Variants in CELF6 observed in about 807,000 individuals in gnomAD.
The protein encoded by CELF6 is CUGBP Elav-like family member 6.
In CELF6, 32 loss-of-function variants were observed where a neutral mutation model predicts 53.1. That is an observed-to-expected ratio of 0.60 (90% CI 0.46 to 0.81). The LOEUF (loss-of-function observed/expected upper bound fraction) is 0.81. CELF6 is among the 30% of genes least tolerant of loss of function. The pLI, the probability that CELF6 is intolerant of heterozygous loss-of-function variation, is 0.00. For synonymous variants in CELF6, 291 were observed against 288.8 expected, an observed-to-expected ratio of 1.01 and a Z score of -0.08; for missense variants, 539 against 669.5, an observed-to-expected ratio of 0.81 and a Z score of 2.15.
intron 3 of CELF6, among the ~76,000 whole-genome samples, chr15:72,298,205 A>C (rs2088103644): frequency 6.6e-6 from 1 of 152,218 alleles, no homozygotes; most frequent in Non-Finnish European, 1.5e-5. Flanking sequence ...TAAACACTGA[A>C]TAAAGTGGAA....
In CELF6 at chr15:72,307,422, C is replaced by T. The variant is rs115000115; in HGVS notation, c.346-2628G>A. Among the ~76,000 whole-genome samples the T allele has an allele frequency of 5.1e-3, 783 of 152,322 alleles. 5 individuals carry two copies. The highest frequency in any genetic ancestry group is 0.018 in the African/African-American group (734 of 41,576). On this transcript the variant is annotated intron_variant, in intron 2 of 12. Coordinates refer to ENST00000287202, the MANE Select transcript of CELF6 (RefSeq NM_052840.5). ...GACAGTGATGATCTGTATGGGGATC[C>T]TCTCTTCATAGGCTCGCAGAGGGGA... is the stretch of plus-strand genomic sequence containing the variant.
intron 2 of CELF6, among the ~76,000 whole-genome samples, chr15:72,311,425 C>T (rs2088295048): frequency 7.0e-6 from 1 of 143,668 alleles, no homozygotes; most frequent in Non-Finnish European, 1.5e-5. Flanking sequence ...TTTTTTGAGA[C>T]AGAGTCTCGC....
intron 2 of CELF6, among the ~76,000 whole-genome samples, chr15:72,313,511 A>G (rs928219704): frequency 3.9e-5 from 6 of 152,034 alleles, no homozygotes; most frequent in Non-Finnish European, 8.8e-5. Flanking sequence ...GTTTATCTTA[A>G]TTTTTTTGGG....
chr15:72,288,693 T>C lies in CELF6; in HGVS notation c.1094-75A>G. 6.9e-7 allele frequency: 1 copy of C among 1,451,216 alleles called. No individual in the cohort carries two copies. The highest frequency in any genetic ancestry group is 9.5e-7 in the Non-Finnish European group (1 of 1,058,018). The allele number at this position is 1,451,216 out of a possible 1,614,324, so 89.9% of individuals were successfully genotyped here. A position where few individuals can be genotyped will look rare whatever the true frequency, so the allele number is the denominator to read the frequency against. On this transcript the variant is annotated intron_variant, in intron 9 of 12. Transcript: ENST00000287202. The surrounding 1 kb of genome is among the most constrained non-coding windows in gnomAD (Gnocchi z 4.6). ...AGCAGGGCCCCAACTGCCTGGCCGC[T>C]TTTGACCAATTCAGCCCAGTCCACC...
intron 3 of CELF6, among the ~76,000 whole-genome samples, chr15:72,301,734 A>ATTTTT (rs34705032): frequency 3.2e-5 from 4 of 125,860 alleles, no homozygotes; most frequent in Non-Finnish European, 4.8e-5. Flanking sequence ...TAAAAAGTTG[A>ATTTTT]TTTTTTTTTT....
At chr15:72,299,362 CTT>C (rs780048239) in intron 3 of CELF6, among the ~76,000 whole-genome samples, 20 of 138,854 alleles carry the variant, frequency 1.4e-4, no homozygotes, top group Admixed American at 4.3e-4. Context: ...TTTGTTTTTT[CTT>C]TTTTTTTTTT....
At position 72,319,837 on chromosome 15, in the gene CELF6, C is replaced by A. The variant is rs2088406406; in HGVS notation, c.38G>T (p.Gly13Val). 6.5e-7 allele frequency: 1 copy of A among 1,546,162 alleles called. No homozygotes were observed. Among genetic ancestry groups the A allele is most frequent in the Non-Finnish European group, 8.7e-7 (1 of 1,144,594 alleles). ...GCTGAAACCCAGGCGCGGGCCGGGG[C>A]CAGCGGGCTGCGCTGACCCTCCCGG... Reference protein sequence around the residue: ...AAPGGSAQPAGPGPRLGFSTA... With the variant: ...AAPGGSAQPAVPGPRLGFSTA... Residue 13 changes from glycine (G) to valine (V), a missense_variant, in exon 1 of 13, where the codon GGC (glycine) becomes GTC (valine). By Grantham distance (109) the Gly-to-Val change is moderately radical. Transcript: ENST00000287202. The surrounding 1 kb of genome is among the most constrained non-coding windows in gnomAD (Gnocchi z 5.0).
In CELF6 at chr15:72,289,552, C is replaced by A; in HGVS notation, c.748-45G>T. 2 of 1,486,498 alleles carry A rather than the reference C, an allele frequency of 1.3e-6. No homozygotes were observed. The highest frequency in any genetic ancestry group is 1.8e-6 in the Non-Finnish European group (2 of 1,122,998). 92.1% of individuals were successfully genotyped at this position (1,486,498 alleles called of 1,614,324 possible). On this transcript the variant is annotated intron_variant, in intron 6 of 12. Coordinates refer to ENST00000287202, the MANE Select transcript of CELF6 (RefSeq NM_052840.5). This position sits in a 1 kb window ranked among gnomAD's most constrained non-coding sequence, Gnocchi z 7.6. ...CGAGAGTGGAGGGCCAAGGGGCAGGCAGCTGCCCGTGCTCTCAGCCCCAGG... is the reference window on the plus strand; with the variant it reads ...CGAGAGTGGAGGGCCAAGGGGCAGGAAGCTGCCCGTGCTCTCAGCCCCAGG...
intron 3 of CELF6, among the ~76,000 whole-genome samples, chr15:72,298,169 T>A (rs940382427): frequency 6.6e-6 from 1 of 152,184 alleles, no homozygotes; most frequent in African/African-American, 2.4e-5. Context: ...ACCTCAAAAT[T>A]CAATTTTAAC....
rs2087964164 is a variant in CELF6, at chr15:72,289,126, C to CG, written c.1030+11dup. 4.0e-6 allele frequency: 6 copies of CG among 1,511,656 alleles called. No homozygotes were observed. Among genetic ancestry groups the CG allele is most frequent in the Non-Finnish European group, 1.8e-6 (2 of 1,136,980 alleles). 93.6% of individuals were successfully genotyped at this position (1,511,656 alleles called of 1,614,324 possible). A position where few individuals can be genotyped will look rare whatever the true frequency, so the allele number is the denominator to read the frequency against. ...CCATTTCGGGGGGATTTGGGCGGAG[C>CG]GGGGGGCCCACCTGGATAAGGGGAG... is the stretch of plus-strand genomic sequence containing the variant. On this transcript the variant is annotated intron_variant, in intron 8 of 12. Coordinates refer to ENST00000287202, the MANE Select transcript of CELF6 (RefSeq NM_052840.5). This position sits in a 1 kb window ranked among gnomAD's most constrained non-coding sequence, Gnocchi z 7.6.
intron 2 of CELF6, among the ~76,000 whole-genome samples, chr15:72,307,373 A>G (rs943057824): frequency 6.6e-6 from 1 of 152,142 alleles, no homozygotes; most frequent in Non-Finnish European, 1.5e-5. Flanking sequence ...CTCTGTGATG[A>G]GCCCCAGGCA....
chr15:72,301,743 T>G (rs1257706280), intron 3 of CELF6, among the ~76,000 whole-genome samples: 1 of 149,794 alleles, frequency 6.7e-6, no homozygotes, highest in Non-Finnish European at 1.5e-5. Context: ...GATTTTTTTT[T>G]TTTTTTTTTT....
At chr15:72,290,319 G>A (rs897373780) in intron 3 of CELF6, 64 bp from the exon 4 acceptor site, 3 of 1,548,712 alleles carry the variant, frequency 1.9e-6, no homozygotes, top group Non-Finnish European at 2.6e-6. Context: ...AGAGTAGCCT[G>A]AGGAACTTAG....
intron 3 of CELF6, among the ~76,000 whole-genome samples, chr15:72,302,715 G>A (rs1016614434): frequency 6.6e-6 from 1 of 152,340 alleles, no homozygotes; most frequent in Middle Eastern, 3.4e-3. Flanking sequence ...TCCTGAGCAA[G>A]ACTCCAAATT....
rs760153742 is a variant in CELF6 at position 72,315,819 on chromosome 15, C to T, written c.345+26G>A. ...GCACTGTCCCCAGCCTGAGGTGATT[C>T]CCACCCCCCAACCTGGAGGACTTAC... is the stretch of plus-strand genomic sequence containing the variant. On this transcript the variant is annotated intron_variant, in intron 2 of 12. Transcript: ENST00000287202. 5 of 1,528,740 alleles carry T rather than the reference C, an allele frequency of 3.3e-6. No individual in the cohort carries two copies. The African/African-American group carries it at 4.1e-5, about 13-fold the overall frequency. The allele number at this position is 1,528,740 out of a possible 1,614,324, so 94.7% of individuals were successfully genotyped here.
rs1192346828 is a variant in CELF6 at position 72,284,905 on chromosome 15, G to C, written c.*1466C>G. ...TCAGACCAAGCTGATCCATGCCTGTGGGGTGGAGGGGAAATCCTCCTGGGA... is the reference window on the plus strand; with the variant it reads ...TCAGACCAAGCTGATCCATGCCTGTCGGGTGGAGGGGAAATCCTCCTGGGA... On this transcript the variant is annotated 3_prime_UTR_variant, in exon 13 of 13. Coordinates refer to ENST00000287202, the MANE Select transcript of CELF6 (RefSeq NM_052840.5). The C allele has an allele frequency of 6.6e-6, 1 of 152,630 alleles. No homozygotes were observed. The highest frequency in any genetic ancestry group is 1.5e-5 in the Non-Finnish European group (1 of 68,102). The allele number at this position is 152,630 out of a possible 1,614,324, so 9.5% of individuals were successfully genotyped here.
Position 72,288,843 on chromosome 15 carries a change from CAGGCCGCGT to C in CELF6, c.1093+16_1093+24del, listed in dbSNP as rs749929179. The C allele has an allele frequency of 2.6e-6, 4 of 1,548,776 alleles. No individual in the cohort carries two copies. The South Asian group carries it at 4.8e-5, about 18-fold the overall frequency. On this transcript the variant is annotated intron_variant, in intron 9 of 12. Transcript: ENST00000287202. The surrounding 1 kb of genome is among the most constrained non-coding windows in gnomAD (Gnocchi z 4.6). ...CTTTCTAGGGCCCTTCAACCTCCCC[CAGGCCGCGT>C]AGCGCCAAGTGAAACCTGCGTAGTG...
At position 72,289,525 on chromosome 15, in the gene CELF6, G is replaced by C. The variant is rs1053338116; in HGVS notation, c.748-18C>G. On this transcript the variant is annotated intron_variant, in intron 6 of 12. Transcript: ENST00000287202. This position sits in a 1 kb window ranked among gnomAD's most constrained non-coding sequence, Gnocchi z 7.6. Reference sequence around the variant, plus strand: ...TGCAGGATCTTTGAGAGGAAAGATGGGCGAGAGTGGAGGGCCAAGGGGCAG... The same window carrying C: ...TGCAGGATCTTTGAGAGGAAAGATGCGCGAGAGTGGAGGGCCAAGGGGCAG... 2.0e-6 allele frequency: 3 copies of C among 1,505,804 alleles called. No individual in the cohort carries two copies. The highest frequency in any genetic ancestry group is 1.4e-5 in the African/African-American group (1 of 71,142). The allele number at this position is 1,505,804 out of a possible 1,614,324, so 93.3% of individuals were successfully genotyped here.
chr15:72,289,960 C>T lies in CELF6; in HGVS notation c.582G>A (p.Leu194=). The part of the protein sequence containing the change: ...QGEAQAAIRG[L]HGSRTMAGAS... ...TCACCGCCATGGTCCGGCTGCCGTGCAGACCCCGGATGGCCGCCTGAGCTT... is the reference window on the plus strand; with the variant it reads ...TCACCGCCATGGTCCGGCTGCCGTGTAGACCCCGGATGGCCGCCTGAGCTT... The change falls in exon 5 of 13, where the codon CTG becomes CTA. Residue 194 remains leucine, a synonymous_variant. Coordinates refer to ENST00000287202, the MANE Select transcript of CELF6 (RefSeq NM_052840.5). The surrounding 1 kb of genome is among the most constrained non-coding windows in gnomAD (Gnocchi z 7.6). 1 of 1,577,532 alleles carries T rather than the reference C, an allele frequency of 6.3e-7. No individual in the cohort carries two copies. The highest frequency in any genetic ancestry group is 2.3e-5 in the East Asian group (1 of 42,582).
Sources: gnomAD v4.1 joint callset for allele counts (sites outside exome capture counted in the v4.1 genomes callset) on GRCh38, gnomAD v4.1.1 for gene constraint, Gnocchi (gnomAD v3.1) non-coding constraint, MANE v1.5 for transcripts, NCBI Gene and HGNC (gene_info 2026-07-23, HGNC 2026-07-21) for gene names.